Variants in CACNA1D observed in about 807,000 individuals in gnomAD.
CACNA1D encodes the protein calcium voltage-gated channel subunit alpha1 D, also known as voltage-dependent L-type calcium channel subunit alpha-1D.
CACNA1D carries 55 observed loss-of-function variants against 257.1 expected under a neutral mutation model. That is an observed-to-expected ratio of 0.21 (90% CI 0.17 to 0.27). The LOEUF (loss-of-function observed/expected upper bound fraction) is 0.27. Among genes scored for constraint, CACNA1D ranks in the 10% least tolerant of loss-of-function variants. The pLI, the probability that CACNA1D is intolerant of heterozygous loss-of-function variation, is 1.00. For missense variants in CACNA1D, 1,876 were observed against 2,784.0 expected (o/e 0.67, Z 7.34); for synonymous variants, 980 against 1,014.9 (o/e 0.97, Z 0.65).
chr3:53,811,401 T>C lies in CACNA1D; in HGVS notation c.6481T>C (p.Leu2161=). ...GGATGAAATGATATGCATCACCACCTTGTAGCCCCCAGCGAGGGGCAGACT... is the reference window on the plus strand; with the variant it reads ...GGATGAAATGATATGCATCACCACCCTGTAGCCCCCAGCGAGGGGCAGACT... ...LADEMICITT[L] is the part of the protein sequence containing the mutation. The change falls in exon 48 of 48, where the codon TTG becomes CTG. Residue 2161 remains leucine (L), a synonymous_variant. Transcript: ENST00000350061. This position sits in a 1 kb window ranked among gnomAD's most constrained non-coding sequence, Gnocchi z 4.2. 1 of 1,556,966 alleles carries C rather than the reference T, an allele frequency of 6.4e-7. No individual in the cohort carries two copies. Among genetic ancestry groups the C allele is most frequent in the Non-Finnish European group, 8.7e-7 (1 of 1,149,346 alleles).
intron 31 of CACNA1D, 75 bp downstream of exon 31, chr3:53,770,092 GT>G: frequency 1.7e-6 from 2 of 1,207,778 alleles, no homozygotes; most frequent in Non-Finnish European, 2.5e-6. Context: ...TTTTCCACTG[GT>G]TTTTCTGTAT....
intron 3 of CACNA1D, among the ~76,000 whole-genome samples, chr3:53,518,490 G>C (rs2091430570): frequency 6.6e-6 from 1 of 152,132 alleles, no homozygotes; most frequent in Non-Finnish European, 1.5e-5. Flanking sequence ...ACAGAGTGCT[G>C]GAGGTAGAGA....
chr3:53,735,452 C>T lies in CACNA1D; in HGVS notation c.2700C>T (p.Ser900=), dbSNP rs1045958. ...TCCTTGTCTTCATCATGCTGAGCAG[C>T]GCTGCCCTGGCCGCAGAGGACCCCA... is the stretch of plus-strand genomic sequence containing the variant. ...NLILVFIMLS[S]AALAAEDPIR... is the part of the protein sequence containing the mutation. The change falls in exon 20 of 48, where the codon AGC becomes AGT. Residue 900 remains serine, a synonymous_variant. Coordinates refer to ENST00000350061, the MANE Select transcript of CACNA1D (RefSeq NM_001128840.3). 0.32 allele frequency: 510,449 copies of T among 1,613,234 alleles called. 84,650 individuals are homozygous for T. The highest frequency in any genetic ancestry group is 0.34 in the Non-Finnish European group (402,901 of 1,179,230).
chr3:53,810,210 C>G lies in CACNA1D; in HGVS notation c.6104C>G (p.Thr2035Ser). Reference protein sequence around the residue: ...YTDEPDISYRTFTPASLTVPS... With the variant: ...YTDEPDISYRSFTPASLTVPS... ...GACGAGCCCGACATCTCCTACCGGA[C>G]TTTCACACCAGCCAGCCTGACTGTC... is the stretch of plus-strand genomic sequence containing the variant. The change falls in exon 47 of 48, where the codon ACT becomes AGT. Residue 2035 changes from threonine (T) to serine (S), a missense_variant. Coordinates refer to ENST00000350061, the MANE Select transcript of CACNA1D (RefSeq NM_001128840.3). 1 of 1,613,992 alleles carries G rather than the reference C, an allele frequency of 6.2e-7. No individual in the cohort carries two copies. The highest frequency in any genetic ancestry group is 8.5e-7 in the Non-Finnish European group (1 of 1,180,034).
intron 3 of CACNA1D, among the ~76,000 whole-genome samples, chr3:53,647,898 T>C (rs2094039552): frequency 6.6e-6 from 1 of 152,196 alleles, no homozygotes; most frequent in Non-Finnish European, 1.5e-5. Context: ...GTATTTCTTA[T>C]GAAGAATCCC....
chr3:53,505,117 T>G (rs1212944530), intron 3 of CACNA1D, among the ~76,000 whole-genome samples: 4 of 142,502 alleles, frequency 2.8e-5, no homozygotes, highest in Non-Finnish European at 4.6e-5. Flanking sequence ...GTTTATTTGT[T>G]TTTTTTTTTT....
At chr3:53,731,927 C>T (rs544020859) in intron 17 of CACNA1D, 89 bp from the exon 18 acceptor site, 2 of 832,978 alleles carry the variant, frequency 2.4e-6, no homozygotes, top group South Asian at 1.3e-5. Flanking sequence ...GGAATCCATG[C>T]CCTATGCTGG....
intron 3 of CACNA1D, among the ~76,000 whole-genome samples, chr3:53,540,670 A>G (rs529770525): frequency 3.9e-5 from 6 of 152,232 alleles, no homozygotes; most frequent in East Asian, 1.9e-4. Flanking sequence ...TTCACATACA[A>G]TTTTATTCTG....
chr3:53,701,843 T>C (rs899616013), intron 8 of CACNA1D, among the ~76,000 whole-genome samples: 5 of 152,216 alleles, frequency 3.3e-5, no homozygotes, highest in African/African-American at 1.2e-4. Context: ...CACCCCACAA[T>C]TGGGAACATT....
chr3:53,672,799 TG>T (rs2094337060), intron 7 of CACNA1D, among the ~76,000 whole-genome samples: 1 of 150,236 alleles, frequency 6.7e-6, no homozygotes, highest in Non-Finnish European at 1.5e-5. Context: ...TGTGTGTGTG[TG>T]TGTGTGTGTG....
rs951299553 is a variant in CACNA1D, at chr3:53,812,360, G to A, written c.*954G>A. The A allele has an allele frequency of 1.3e-5, 2 of 152,166 alleles. No homozygotes were observed. Among genetic ancestry groups the A allele is most frequent in the East Asian group, 3.8e-4 (2 of 5,204 alleles). 9.4% of individuals were successfully genotyped at this position (152,166 alleles called of 1,614,324 possible). A position where few individuals can be genotyped will look rare whatever the true frequency, so the allele number is the denominator to read the frequency against. ...TAGAGCCAATTCTCATTTATTCAGC[G>A]AAAATCCTCTGGGGTTAAAATTTTA... On this transcript the variant is annotated 3_prime_UTR_variant, in exon 48 of 48. Coordinates refer to ENST00000350061, the MANE Select transcript of CACNA1D (RefSeq NM_001128840.3).
At position 53,624,660 on chromosome 3, in the gene CACNA1D, A is replaced by G. The variant is rs534879899; in HGVS notation, c.484-26119A>G. 1.3e-5 allele frequency among the ~76,000 whole-genome samples: 2 copies of G among 152,320 alleles called. 1 individual carries two copies. The highest frequency in any genetic ancestry group is 4.1e-4 in the South Asian group (2 of 4,822). On this transcript the variant is annotated intron_variant, in intron 3 of 47. Coordinates refer to ENST00000350061, the MANE Select transcript of CACNA1D (RefSeq NM_001128840.3). Reference sequence around the variant, plus strand: ...AGAGGCACTCTGCTGTATCCCAAGAAGCCCTCAATGGCATTACCGTAATTC... The same window carrying G: ...AGAGGCACTCTGCTGTATCCCAAGAGGCCCTCAATGGCATTACCGTAATTC...
chr3:53,720,871 G>C (rs58725641), intron 11 of CACNA1D, among the ~76,000 whole-genome samples: 2,892 of 152,306 alleles, frequency 0.019, 82 homozygotes, highest in African/African-American at 0.066. Context: ...TATTTACCAC[G>C]TTTATATTTG....
At chr3:53,771,914 A>T (rs1340955540) in intron 32 of CACNA1D, among the ~76,000 whole-genome samples, 2 of 152,232 alleles carry the variant, frequency 1.3e-5, no homozygotes, top group Non-Finnish European at 2.9e-5. Flanking sequence ...CCAGGCTGGC[A>T]GGCACAGGTC....
chr3:53,636,350 G>A (rs2093883630), intron 3 of CACNA1D, among the ~76,000 whole-genome samples: 2 of 152,106 alleles, frequency 1.3e-5, no homozygotes, highest in Admixed American at 1.3e-4. Context: ...GTCACCCAGG[G>A]TGCAGTGCAG....
At chr3:53,805,805 TATCTTCCCTCCTCCTCCTCC>T (rs1396587136) in intron 45 of CACNA1D, among the ~76,000 whole-genome samples, 4 of 85,086 alleles carry the variant, frequency 4.7e-5, no homozygotes, top group Non-Finnish European at 9.2e-5. Context: ...CCTCCTCCTC[TATCTTCCCTCCTCCTCCTCC>T]ATCTTCCCTC....
At chr3:53,756,979 A>G (rs1014734836) in intron 29 of CACNA1D, among the ~76,000 whole-genome samples, 1 of 152,180 alleles carries the variant, frequency 6.6e-6, no homozygotes, top group Non-Finnish European at 1.5e-5. Context: ...AAAATATACT[A>G]ATTTATACTC....
At chr3:53,539,341 C>G (rs186996355) in intron 3 of CACNA1D, among the ~76,000 whole-genome samples, 132 of 152,206 alleles carry the variant, frequency 8.7e-4, no homozygotes, top group Middle Eastern at 3.4e-3. Context: ...AACTCCTGAC[C>G]TCGTGATCTG....
chr3:53,711,880 G>A (rs2094760600), intron 9 of CACNA1D, among the ~76,000 whole-genome samples: 1 of 152,210 alleles, frequency 6.6e-6, no homozygotes, highest in South Asian at 2.1e-4. Flanking sequence ...CCTGAGGTGG[G>A]ACAGTGAGTT....
Sources: gnomAD v4.1 joint callset for allele counts (sites outside exome capture counted in the v4.1 genomes callset) on GRCh38, gnomAD v4.1.1 for gene constraint, Gnocchi (gnomAD v3.1) non-coding constraint, MANE v1.5 for transcripts, NCBI Gene and HGNC (gene_info 2026-07-23, HGNC 2026-07-21) for gene names.